The following EDA variants were observed in gnomAD, a reference collection of about 807,000 sequenced individuals.
EDA encodes the protein ectodysplasin A.
In EDA, 2 loss-of-function variants were observed where a neutral mutation model predicts 23.6. The observed-to-expected ratio is 0.08, with a 90% CI of 0.03 to 0.27. The LOEUF (loss-of-function observed/expected upper bound fraction) is 0.27. EDA is among the 10% of genes least tolerant of loss of function. The pLI, the probability that EDA is intolerant of heterozygous loss-of-function variation, is 1.00. For synonymous variants in EDA, 131 were observed against 132.0 expected (o/e 0.99, Z 0.05); for missense variants, 229 against 324.2 (o/e 0.71, Z 2.26).
At chrX:69,825,093 G>T (rs2016375037) in intron 1 of EDA, among the ~76,000 whole-genome samples, 1 of 96,209 alleles carries the variant, frequency 1.0e-5, no homozygotes, top group African/African-American at 4.0e-5. Flanking sequence ...TGCTGGATTT[G>T]GTTTGCCAGT....
intron 1 of EDA, among the ~76,000 whole-genome samples, chrX:69,631,963 A>G (rs1013096754): frequency 1.8e-5 from 2 of 111,670 alleles, no homozygotes; most frequent in Non-Finnish European, 3.8e-5. Context: ...CATGGACCTT[A>G]CTTATTTGGC....
intron 1 of EDA, among the ~76,000 whole-genome samples, chrX:69,638,668 A>C (rs1361689179): frequency 8.9e-6 from 1 of 112,035 alleles, no homozygotes; most frequent in Non-Finnish European, 1.9e-5. Flanking sequence ...TAGTCTGAGC[A>C]GTAATTTCTA....
intron 1 of EDA, among the ~76,000 whole-genome samples, chrX:69,714,184 T>C (rs1239255571): frequency 9.0e-6 from 1 of 111,309 alleles, no homozygotes; most frequent in Non-Finnish European, 1.9e-5. Context: ...TGAACATCTT[T>C]TCATGTATTG....
At chrX:70,015,568 A>C (rs1200510306) in intron 2 of EDA, among the ~76,000 whole-genome samples, 1 of 111,386 alleles carries the variant, frequency 9.0e-6, no homozygotes, top group African/African-American at 3.3e-5. Flanking sequence ...GTGAGACTCC[A>C]TCTAAACAAC....
rs1042804960 is a variant in EDA at position 70,036,495 on chromosome X, T to C, written c.*886T>C. On this transcript the variant is annotated 3_prime_UTR_variant, in exon 8 of 8. Coordinates refer to ENST00000374552, the MANE Select transcript of EDA (RefSeq NM_001399.5). Reference sequence around the variant, plus strand: ...CAGGTGCCTAACCTGGGACCTGTGGTCATGTGAGTCTGGGATATTCTTTAG... The same window carrying C: ...CAGGTGCCTAACCTGGGACCTGTGGCCATGTGAGTCTGGGATATTCTTTAG... The C allele has an allele frequency of 8.9e-6, 1 of 112,621 alleles. No homozygotes were observed. Among genetic ancestry groups the C allele is most frequent in the Non-Finnish European group, 1.9e-5 (1 of 53,217 alleles). 9.3% of individuals were successfully genotyped at this position (112,621 alleles called of 1,213,427 possible). A position where few individuals can be genotyped will look rare whatever the true frequency, so the allele number is the denominator to read the frequency against.
intron 1 of EDA, among the ~76,000 whole-genome samples, chrX:69,794,947 T>C (rs942238231): frequency 8.9e-6 from 1 of 112,098 alleles, no homozygotes; most frequent in Admixed American, 9.4e-5. Flanking sequence ...CAAATGAATT[T>C]GAAACTCTGG....
In EDA at chrX:69,687,091, T is replaced by C. The variant is rs145432456; in HGVS notation, c.396+70387T>C. ...TCTTCATCCTTGTCTACACTTGTTA[T>C]TGTCTATTTTTTATTATATTCTTCC... On this transcript the variant is annotated intron_variant, in intron 1 of 7. Transcript: ENST00000374552. Among the ~76,000 whole-genome samples the C allele has an allele frequency of 4.4e-3, 497 of 111,849 alleles. 4 individuals carry two copies. Among genetic ancestry groups the C allele is most frequent in the African/African-American group, 0.016 (482 of 30,862 alleles).
chrX:69,689,015 C>T (rs1934626573), intron 1 of EDA, among the ~76,000 whole-genome samples: 1 of 111,082 alleles, frequency 9.0e-6, no homozygotes, highest in Non-Finnish European at 1.9e-5. Context: ...CTGTTTTTCC[C>T]CTATTGAATT....
At chrX:69,966,909 A>G (rs939657817) in intron 2 of EDA, among the ~76,000 whole-genome samples, 1 of 109,367 alleles carries the variant, frequency 9.1e-6, no homozygotes, top group Non-Finnish European at 1.9e-5. Flanking sequence ...AGATTTTAAC[A>G]TATATTTTTT....
intron 2 of EDA, among the ~76,000 whole-genome samples, chrX:69,978,302 A>G (rs6625555): frequency 0.1 from 8,386 of 83,774 alleles, 832 homozygotes; most frequent in East Asian, 0.67. Context: ...TGGCCAATGT[A>G]GTGAAACTCC....
At chrX:69,742,760 G>A (rs1441534766) in intron 1 of EDA, among the ~76,000 whole-genome samples, 1 of 110,826 alleles carries the variant, frequency 9.0e-6, no homozygotes, top group African/African-American at 3.3e-5. Context: ...CTTCTTGCCT[G>A]TGGCCTGGAT....
chrX:69,735,280 T>C (rs773797323), intron 1 of EDA, among the ~76,000 whole-genome samples: 1 of 110,723 alleles, frequency 9.0e-6, no homozygotes, highest in South Asian at 3.9e-4. Context: ...TTTATAATGG[T>C]ATAACAATGG....
rs765890422 is a variant in EDA at position 69,810,096 on chromosome X, C to A, written c.397-146931C>A. 2.9e-5 allele frequency among the ~76,000 whole-genome samples: 3 copies of A among 104,365 alleles called. No homozygotes were observed. The South Asian group carries it at 1.4e-3, about 48-fold the overall frequency. 90.6% of individuals were successfully genotyped at this position (104,365 alleles called of 115,157 possible). A position where few individuals can be genotyped will look rare whatever the true frequency, so the allele number is the denominator to read the frequency against. On this transcript the variant is annotated intron_variant, in intron 1 of 7. Transcript: ENST00000374552. ...CCAACATGGTGAAATCCCGTCTCAACTAAATACAAAAATTAGCTGGGCGTG... is the reference window on the plus strand; with the variant it reads ...CCAACATGGTGAAATCCCGTCTCAAATAAATACAAAAATTAGCTGGGCGTG...
chrX:70,039,344 G>A lies in EDA; in HGVS notation c.*3735G>A, dbSNP rs1182675900. ...GGAGCAGGCCCAATGCTGCTTTTGG[G>A]GGTCAGCATCCAGTGTGAGATACTG... On this transcript the variant is annotated 3_prime_UTR_variant, in exon 8 of 8. Coordinates refer to ENST00000374552, the MANE Select transcript of EDA (RefSeq NM_001399.5). 1 of 112,157 alleles carries A rather than the reference G, an allele frequency of 8.9e-6. No individual in the cohort carries two copies. The highest frequency in any genetic ancestry group is 1.9e-5 in the Non-Finnish European group (1 of 53,158). The allele number at this position is 112,157 out of a possible 1,213,427, so 9.2% of individuals were successfully genotyped here. A position where few individuals can be genotyped will look rare whatever the true frequency, so the allele number is the denominator to read the frequency against.
chrX:69,714,234 C>T (rs1437678676), intron 1 of EDA, among the ~76,000 whole-genome samples: 4 of 110,933 alleles, frequency 3.6e-5, no homozygotes, highest in Admixed American at 1.9e-4. Flanking sequence ...AGTGTCTCTT[C>T]ATGTCTTTTG....
intron 1 of EDA, among the ~76,000 whole-genome samples, chrX:69,773,883 A>G (rs1378825075): frequency 1.8e-5 from 2 of 111,850 alleles, no homozygotes; most frequent in African/African-American, 3.2e-5. Context: ...CCTTTGGTGA[A>G]CAAAAGTTTT....
At chrX:69,987,444 G>A (rs1051061132) in intron 2 of EDA, among the ~76,000 whole-genome samples, 1 of 109,155 alleles carries the variant, frequency 9.2e-6, no homozygotes, top group Non-Finnish European at 1.9e-5. Flanking sequence ...ACAAAACTGA[G>A]TGGTGGGAAG....
chrX:69,659,197 C>G (rs1000167193), intron 1 of EDA, among the ~76,000 whole-genome samples: 2 of 112,283 alleles, frequency 1.8e-5, no homozygotes, highest in African/African-American at 6.5e-5. Context: ...CTTTAATTTT[C>G]TAAAAGTATT....
rs1237872303 is a variant in EDA, at chrX:69,876,436, TA to T, written c.397-80585del. Reference sequence around the variant, plus strand: ...AAAGAATAAAATAAAAATAATACAATAAAAAATAATAAAAAAAGAATAAAAA... The same window carrying T: ...AAAGAATAAAATAAAAATAATACAATAAAAATAATAAAAAAAGAATAAAAA... On this transcript the variant is annotated intron_variant, in intron 1 of 7. Coordinates refer to ENST00000374552, the MANE Select transcript of EDA (RefSeq NM_001399.5). Among the ~76,000 whole-genome samples the T allele has an allele frequency of 3.6e-5, 4 of 109,629 alleles. No individual in the cohort carries two copies. The East Asian group carries it at 1.1e-3, about 31-fold the overall frequency.
Sources: gnomAD v4.1 joint callset for allele counts (sites outside exome capture counted in the v4.1 genomes callset) on GRCh38, gnomAD v4.1.1 for gene constraint, MANE v1.5 for transcripts, NCBI Gene and HGNC (gene_info 2026-07-23, HGNC 2026-07-21) for gene names.